Variants in ATL1 observed in about 807,000 individuals in gnomAD.
ATL1 encodes the protein atlastin GTPase 1.
In ATL1, 31 loss-of-function variants were observed where a neutral mutation model predicts 75.5. The observed-to-expected ratio is 0.41, with a 90% CI of 0.31 to 0.55. The LOEUF (loss-of-function observed/expected upper bound fraction) is 0.55. Among genes scored for constraint, ATL1 ranks in the 20% least tolerant of loss-of-function variants. The pLI is 0.27. For synonymous variants in ATL1, 226 were observed against 233.3 expected, an observed-to-expected ratio of 0.97 and a Z score of 0.28; for missense variants, 405 against 662.6, an observed-to-expected ratio of 0.61 and a Z score of 4.27.
intron 8 of ATL1, 107 bp downstream of exon 8, chr14:50,614,618 G>A: frequency 7.2e-6 from 9 of 1,251,842 alleles, no homozygotes; most frequent in Non-Finnish European, 1.0e-5. Context: ...ACTGATAGGA[G>A]GCTGATGATT....
At chr14:50,533,499 A>T (rs1021562562) in intron 1 of ATL1, 4 of 152,154 alleles carry the variant, frequency 2.6e-5, no homozygotes, top group Admixed American at 1.3e-4. Flanking sequence ...GAGTTCGGGG[A>T]AGTAATTTGG....
intron 1 of ATL1, among the ~76,000 whole-genome samples, chr14:50,562,825 T>A (rs1371709008): frequency 6.6e-6 from 1 of 152,220 alleles, no homozygotes; most frequent in Non-Finnish European, 1.5e-5. Flanking sequence ...ATGTAGTAGA[T>A]GGAGTAGGAG....
intron 1 of ATL1, among the ~76,000 whole-genome samples, chr14:50,584,420 T>C (rs1192053006): frequency 6.6e-6 from 1 of 151,164 alleles, no homozygotes; most frequent in African/African-American, 2.4e-5. Flanking sequence ...TATGTGACTA[T>C]TGGCCGGGCG....
chr14:50,628,450 T>C lies in ATL1; in HGVS notation c.1539T>C (p.Ala513=). 6.2e-7 allele frequency: 1 copy of C among 1,614,022 alleles called. No individual in the cohort carries two copies. Among genetic ancestry groups the C allele is most frequent in the Non-Finnish European group, 8.5e-7 (1 of 1,179,984 alleles). The part of the protein sequence containing the change: ...LGAVIDQVAA[A]LWDQGSTNEA... ...CTGTAATAGACCAGGTGGCTGCAGC[T>C]CTGTGGGACCAGGTAAGAACACCTT... The change falls in exon 12 of 14, where the codon GCT becomes GCC. Residue 513 remains alanine, a synonymous_variant. Coordinates refer to ENST00000358385, the MANE Select transcript of ATL1 (RefSeq NM_015915.5).
intron 1 of ATL1, among the ~76,000 whole-genome samples, chr14:50,573,498 A>G (rs1023795701): frequency 1.3e-5 from 2 of 152,210 alleles, no homozygotes; most frequent in Non-Finnish European, 2.9e-5. Context: ...GTTCATGTTC[A>G]TAGAACACCC....
chr14:50,560,585 A>G (rs960223822), intron 1 of ATL1: 2 of 481,410 alleles, frequency 4.2e-6, no homozygotes. Flanking sequence ...TTTGGACAGC[A>G]CCCACCAGGC....
chr14:50,540,808 C>T (rs993293115), intron 1 of ATL1, among the ~76,000 whole-genome samples: 4 of 152,146 alleles, frequency 2.6e-5, no homozygotes, highest in African/African-American at 9.7e-5. Context: ...TGTAACCTCC[C>T]TAGCTAACTT....
chr14:50,566,456 G>A (rs1318023025), intron 1 of ATL1, among the ~76,000 whole-genome samples: 1 of 151,958 alleles, frequency 6.6e-6, no homozygotes, highest in African/African-American at 2.4e-5. Flanking sequence ...TAATATAAAG[G>A]GAATCTAGAG....
At chr14:50,549,687 C>T (rs962712437) in intron 1 of ATL1, among the ~76,000 whole-genome samples, 8 of 152,108 alleles carry the variant, frequency 5.3e-5, no homozygotes, top group Non-Finnish European at 1.2e-4. Flanking sequence ...CCACGATATC[C>T]AACACTGGGC....
intron 1 of ATL1, among the ~76,000 whole-genome samples, chr14:50,533,699 A>G (rs558254337): frequency 2.6e-5 from 4 of 152,312 alleles, no homozygotes; most frequent in Admixed American, 2.6e-4. Flanking sequence ...CAAGTTGGAG[A>G]TGTTGGCTTG....
At chr14:50,630,036 G>C (rs769385858) in intron 13 of ATL1, 27 bp downstream of exon 13, 1 of 1,548,494 alleles carries the variant, frequency 6.5e-7, no homozygotes, top group Admixed American at 1.7e-5. Flanking sequence ...AAAATTCAGA[G>C]CTATGTATGT....
At chr14:50,593,529 T>C (rs1414144605) in intron 4 of ATL1, among the ~76,000 whole-genome samples, 2 of 152,208 alleles carry the variant, frequency 1.3e-5, no homozygotes, top group Non-Finnish European at 1.5e-5. Context: ...ATTTAGATTG[T>C]TATTATTTTG....
At chr14:50,560,501 G>C (rs933406193) in intron 1 of ATL1, 6 of 671,518 alleles carry the variant, frequency 8.9e-6, no homozygotes, top group African/African-American at 1.8e-5. Context: ...CGCTGTCGGG[G>C]TGAGGGCTGC....
In ATL1 at chr14:50,629,990, C is replaced by T; in HGVS notation, c.1552-5C>T. ...TTTTTTCTTTTTAATCTGCCTTTGC[C>T]ACAGGGAAGTACAAATGAGGTAAGT... On this transcript the variant is annotated splice_polypyrimidine_tract_variant and splice_region_variant and intron_variant, in intron 12 of 13. Transcript: ENST00000358385. 6.3e-7 allele frequency: 1 copy of T among 1,592,046 alleles called. No homozygotes were observed. The highest frequency in any genetic ancestry group is 8.6e-7 in the Non-Finnish European group (1 of 1,165,014).
intron 4 of ATL1, among the ~76,000 whole-genome samples, chr14:50,592,346 GAT>G (rs1395502903): frequency 6.6e-6 from 1 of 152,088 alleles, no homozygotes; most frequent in African/African-American, 2.4e-5. Context: ...AAAAAGGTAA[GAT>G]AGCTTAAAAA....
At chr14:50,611,693 G>A (rs912691104) in intron 6 of ATL1, among the ~76,000 whole-genome samples, 10 of 152,174 alleles carry the variant, frequency 6.6e-5, no homozygotes, top group African/African-American at 2.4e-4. Context: ...TAATCATCAG[G>A]GAAATGCATA....
chr14:50,568,755 G>C (rs1042019357), intron 1 of ATL1, among the ~76,000 whole-genome samples: 1 of 151,884 alleles, frequency 6.6e-6, no homozygotes, highest in African/African-American at 2.4e-5. Context: ...CTCATTTCCT[G>C]CATTACTGCG....
At chr14:50,540,697 G>T (rs565726140) in intron 1 of ATL1, among the ~76,000 whole-genome samples, 88 of 152,278 alleles carry the variant, frequency 5.8e-4, no homozygotes, top group Middle Eastern at 3.4e-3. Flanking sequence ...CCACTCTGGA[G>T]TTATTTTTCC....
chr14:50,587,452 C>T (rs1399962420), intron 1 of ATL1, among the ~76,000 whole-genome samples: 2 of 151,972 alleles, frequency 1.3e-5, no homozygotes, highest in African/African-American at 4.8e-5. Flanking sequence ...CCTCTATTGT[C>T]CAGGCTGGAG....
Sources: gnomAD v4.1 joint callset for allele counts (sites outside exome capture counted in the v4.1 genomes callset) on GRCh38, gnomAD v4.1.1 for gene constraint, MANE v1.5 for transcripts, NCBI Gene and HGNC (gene_info 2026-07-23, HGNC 2026-07-21) for gene names.